LURAP1L: variants seen among roughly 807,000 people sequenced by gnomAD.
The protein encoded by LURAP1L is leucine rich adaptor protein 1-like.
LURAP1L carries 12 observed loss-of-function variants against 13.8 expected under a neutral mutation model. The ratio of observed to expected loss-of-function variants is 0.87; its 90% CI spans 0.56 to 1.41. The LOEUF is 1.41. Ranked by LOEUF, LURAP1L falls within the 40% of genes most tolerant of loss-of-function variation. The probability of loss-of-function intolerance (pLI) is 0.00; values close to 1 mark genes in which losing one functional copy is unlikely to be tolerated. For missense variants in LURAP1L, 375 were observed against 292.9 expected, an observed-to-expected ratio of 1.28 and a Z score of -2.04; for synonymous variants, 139 against 119.2, an observed-to-expected ratio of 1.17 and a Z score of -1.08.
At chr9:12,819,897 T>A (rs1467743864) in intron 1 of LURAP1L, among the ~76,000 whole-genome samples, 1 of 151,880 alleles carries the variant, frequency 6.6e-6, no homozygotes, top group Non-Finnish European at 1.5e-5. Flanking sequence ...GAGGTTGCAG[T>A]GAGCCAAGAT....
chr9:12,805,692 T>C (rs969173594), intron 1 of LURAP1L, among the ~76,000 whole-genome samples: 2 of 152,216 alleles, frequency 1.3e-5, no homozygotes, highest in African/African-American at 4.8e-5. Flanking sequence ...TAAAACCAGA[T>C]TGCTAATTAT....
At chr9:12,777,432 C>T (rs1327009433) in intron 1 of LURAP1L, 1 of 985,212 alleles carries the variant, frequency 1.0e-6, no homozygotes, top group Non-Finnish European at 1.2e-6. Context: ...AAGAATGTTG[C>T]TAACTCTGCA....
In LURAP1L at chr9:12,814,136, G is replaced by A. The variant is rs1819774158; in HGVS notation, c.313-7250G>A. On this transcript the variant is annotated intron_variant, in intron 1 of 1. Coordinates refer to ENST00000319264, the MANE Select transcript of LURAP1L (RefSeq NM_203403.2). ...GTTTATTTTTCCCAGGAAGCTGCTT[G>A]TTAAACATTTACTGGCACACTACCC... Among the ~76,000 whole-genome samples, 3 of 152,126 alleles carry A rather than the reference G, an allele frequency of 2.0e-5. 1 individual carries two copies. The South Asian group carries it at 6.2e-4, about 31-fold the overall frequency.
chr9:12,811,867 G>C (rs191339705), intron 1 of LURAP1L, among the ~76,000 whole-genome samples: 1 of 152,282 alleles, frequency 6.6e-6, no homozygotes, highest in Admixed American at 6.5e-5. Context: ...TCACAAATCT[G>C]CCATCAAGGT....
chr9:12,797,572 T>C (rs1001301529), intron 1 of LURAP1L, among the ~76,000 whole-genome samples: 2 of 152,202 alleles, frequency 1.3e-5, no homozygotes, highest in African/African-American at 4.8e-5. Context: ...CAGAAAATTA[T>C]CTCAAATTCT....
intron 1 of LURAP1L, among the ~76,000 whole-genome samples, chr9:12,784,071 A>G (rs1209327506): frequency 2.0e-5 from 3 of 152,042 alleles, no homozygotes; most frequent in African/African-American, 7.2e-5. Context: ...TTACATTTTC[A>G]TTATGGATAG....
chr9:12,800,274 A>G (rs2118510972), intron 1 of LURAP1L, among the ~76,000 whole-genome samples: 1 of 152,326 alleles, frequency 6.6e-6, no homozygotes, highest in Admixed American at 6.5e-5. Context: ...AGTTTTCCCA[A>G]CTGCATTGCC....
chr9:12,777,336 G>C (rs1404281489), intron 1 of LURAP1L: 11 of 985,422 alleles, frequency 1.1e-5, no homozygotes, highest in Non-Finnish European at 1.3e-5. Context: ...GGGGATGCCT[G>C]ATACCGTATC....
At chr9:12,802,872 G>C (rs1819606084) in intron 1 of LURAP1L, among the ~76,000 whole-genome samples, 1 of 152,040 alleles carries the variant, frequency 6.6e-6, no homozygotes, top group African/African-American at 2.4e-5. Context: ...CACTTTATTA[G>C]CACAAAATGA....
At chr9:12,808,672 C>A (rs991672235) in intron 1 of LURAP1L, among the ~76,000 whole-genome samples, 2 of 151,976 alleles carry the variant, frequency 1.3e-5, no homozygotes, top group East Asian at 3.9e-4. Flanking sequence ...TTCTATAATT[C>A]GAATATAATA....
Position 12,794,351 on chromosome 9 carries a change from T to C in LURAP1L, c.312+18324T>C, listed in dbSNP as rs1819484584. Among the ~76,000 whole-genome samples the C allele has an allele frequency of 3.9e-5, 6 of 152,174 alleles. No homozygotes were observed. In the South Asian group the frequency reaches 1.2e-3, roughly 32 times the overall value. On this transcript the variant is annotated intron_variant, in intron 1 of 1. Coordinates refer to ENST00000319264, the MANE Select transcript of LURAP1L (RefSeq NM_203403.2). ...GGATTCTATTTGGATTGCACCCAAT[T>C]CTGTTACTTTTTTTAAATATCATTA... is the stretch of plus-strand genomic sequence containing the variant.
At chr9:12,788,163 G>GAAAGAAAGAAAGAAAGAA (rs1819386335) in intron 1 of LURAP1L, among the ~76,000 whole-genome samples, 1 of 144,202 alleles carries the variant, frequency 6.9e-6, no homozygotes, top group African/African-American at 2.6e-5. Context: ...AAGAAAGAAA[G>GAAAGAAAGAAAGAAAGAA]AAAGAAAGAA....
intron 1 of LURAP1L, among the ~76,000 whole-genome samples, chr9:12,807,093 A>AT (rs1819669039): frequency 8.7e-6 from 1 of 115,396 alleles, no homozygotes; most frequent in Non-Finnish European, 1.6e-5. Context: ...GTCTCTACTA[A>AT]AATATATATA....
intron 1 of LURAP1L, chr9:12,814,491 A>G (rs1363116884): frequency 3.3e-5 from 5 of 152,200 alleles, no homozygotes; most frequent in Non-Finnish European, 1.5e-5. Flanking sequence ...TCACTGTATT[A>G]GATTATGGAA....
At chr9:12,787,628 T>G (rs1416325562) in intron 1 of LURAP1L, among the ~76,000 whole-genome samples, 1 of 152,176 alleles carries the variant, frequency 6.6e-6, no homozygotes, top group African/African-American at 2.4e-5. Context: ...AATGAGCACT[T>G]CTCTGGCTCT....
At chr9:12,784,452 G>C (rs190281607) in intron 1 of LURAP1L, among the ~76,000 whole-genome samples, 2 of 152,324 alleles carry the variant, frequency 1.3e-5, no homozygotes, top group African/African-American at 4.8e-5. Flanking sequence ...CAGACTAACA[G>C]AGGTAGCACT....
chr9:12,821,690 C>T lies in LURAP1L; in HGVS notation c.617C>T (p.Ser206Phe), dbSNP rs1271412717. 4 of 1,614,036 alleles carry T rather than the reference C, an allele frequency of 2.5e-6. No homozygotes were observed. The Admixed American group carries it at 5.0e-5, about 20-fold the overall frequency. ...GACTTGGACCAATTCAGTGACAGCT[C>T]CCTCATAGAGGACTCACAGGCACTA... is the stretch of plus-strand genomic sequence containing the variant. ...PSDLDQFSDSSLIEDSQALHK... is the reference protein window; with the variant it reads ...PSDLDQFSDSFLIEDSQALHK... The change falls in exon 2 of 2, where the codon TCC (serine) becomes TTC (phenylalanine). Residue 206 changes from serine (S) to phenylalanine (F), a missense_variant. Ser to Phe is a radical substitution (Grantham distance 155, BLOSUM62 -2). Coordinates refer to ENST00000319264, the MANE Select transcript of LURAP1L (RefSeq NM_203403.2).
chr9:12,817,387 A>G (rs1000491975), intron 1 of LURAP1L, among the ~76,000 whole-genome samples: 2 of 152,224 alleles, frequency 1.3e-5, no homozygotes, highest in Non-Finnish European at 2.9e-5. Flanking sequence ...GGTGACCAGG[A>G]AAGATCAAGA....
chr9:12,783,589 T>C (rs1382707278), intron 1 of LURAP1L, among the ~76,000 whole-genome samples: 1 of 152,166 alleles, frequency 6.6e-6, no homozygotes. Flanking sequence ...TAATGTGTTG[T>C]TGAATTAGGT....
Sources: allele counts gnomAD v4.1 joint callset (sites outside exome capture counted in the v4.1 genomes callset), GRCh38; gene constraint gnomAD v4.1.1; transcripts MANE v1.5; gene names NCBI Gene and HGNC (gene_info 2026-07-23, HGNC 2026-07-21).